CNTN4: variants seen among roughly 807,000 people sequenced by gnomAD.
The protein encoded by CNTN4 is contactin 4.
In CNTN4, 77 loss-of-function variants were observed where a neutral mutation model predicts 122.5. That is an observed-to-expected ratio of 0.63 (90% CI 0.52 to 0.76). The LOEUF (loss-of-function observed/expected upper bound fraction) is 0.76, where lower values mean the gene tolerates loss of function less well. CNTN4 is among the 30% of genes least tolerant of loss of function. The pLI is 0.00. For missense variants in CNTN4, 1,256 were observed against 1,259.1 expected, an observed-to-expected ratio of 1.00 and a Z score of 0.04; for synonymous variants, 512 against 447.0, an observed-to-expected ratio of 1.15 and a Z score of -1.83.
chr3:2,657,222 A>G (rs1214597936), intron 4 of CNTN4, among the ~76,000 whole-genome samples: 1 of 152,194 alleles, frequency 6.6e-6, no homozygotes, highest in Non-Finnish European at 1.5e-5. Flanking sequence ...AATAAAAATG[A>G]CCTCTAGCTT....
chr3:2,413,762 A>C (rs2047313570), intron 3 of CNTN4, among the ~76,000 whole-genome samples: 1 of 152,018 alleles, frequency 6.6e-6, no homozygotes, highest in African/African-American at 2.4e-5. Context: ...CAGGCTTTGG[A>C]ACTCCTGACC....
intron 2 of CNTN4, among the ~76,000 whole-genome samples, chr3:2,126,767 C>T (rs2034194450): frequency 6.6e-6 from 1 of 152,116 alleles, no homozygotes; most frequent in Non-Finnish European, 1.5e-5. Context: ...GCTTTGGCCT[C>T]CTTTGTGTGC....
intron 3 of CNTN4, among the ~76,000 whole-genome samples, chr3:2,541,597 T>A (rs1434210700): frequency 6.6e-6 from 1 of 152,136 alleles, no homozygotes; most frequent in Non-Finnish European, 1.5e-5. Flanking sequence ...ATTTGTCACA[T>A]ATCATTTTCT....
At chr3:2,886,685 T>A (rs2093983096) in intron 9 of CNTN4, among the ~76,000 whole-genome samples, 1 of 151,770 alleles carries the variant, frequency 6.6e-6, no homozygotes, top group Non-Finnish European at 1.5e-5. Flanking sequence ...GTAATTTTTT[T>A]GTATTTTTAG....
At chr3:2,513,540 A>G (rs887290610) in intron 3 of CNTN4, among the ~76,000 whole-genome samples, 4 of 152,016 alleles carry the variant, frequency 2.6e-5, no homozygotes, top group African/African-American at 7.3e-5. Context: ...TGTACTTAGC[A>G]GAAACGATTG....
At chr3:2,400,733 T>C (rs2046827386) in intron 3 of CNTN4, among the ~76,000 whole-genome samples, 1 of 151,312 alleles carries the variant, frequency 6.6e-6, no homozygotes, top group Non-Finnish European at 1.5e-5. Flanking sequence ...GCAAAGAAAC[T>C]AACTTTGTGG....
intron 13 of CNTN4, among the ~76,000 whole-genome samples, chr3:2,959,403 T>C (rs1217793304): frequency 6.6e-6 from 1 of 152,184 alleles, no homozygotes; most frequent in African/African-American, 2.4e-5. Context: ...TTCAGTATGA[T>C]AAGACCATAA....
At chr3:3,015,299 A>C (rs186006905) in intron 14 of CNTN4, among the ~76,000 whole-genome samples, 5 of 152,104 alleles carry the variant, frequency 3.3e-5, no homozygotes, top group Admixed American at 3.3e-4. Flanking sequence ...GTTCACTTAG[A>C]ATTACAGACA....
At position 2,791,588 on chromosome 3, in the gene CNTN4, C is replaced by G. The variant is rs956129614; in HGVS notation, c.359-27898C>G. Among the ~76,000 whole-genome samples the G allele has an allele frequency of 5.5e-4, 84 of 151,986 alleles. 1 individual carries two copies. Among genetic ancestry groups the G allele is most frequent in the African/African-American group, 1.9e-3 (80 of 41,452 alleles). Reference sequence around the variant, plus strand: ...CTATACAAACATAGTAAGAGTTCACCCAAGTTCATGGACAAGAAGAATGCA... The same window carrying G: ...CTATACAAACATAGTAAGAGTTCACGCAAGTTCATGGACAAGAAGAATGCA... On this transcript the variant is annotated intron_variant, in intron 6 of 24. Coordinates refer to ENST00000418658, the MANE Select transcript of CNTN4 (RefSeq NM_175607.3).
Position 2,712,037 on chromosome 3 carries a change from G to T in CNTN4, c.56-24178G>T, listed in dbSNP as rs191633278. 5.2e-3 allele frequency among the ~76,000 whole-genome samples: 786 copies of T among 152,204 alleles called. 7 individuals are homozygous for T. The highest frequency in any genetic ancestry group is 0.018 in the African/African-American group (741 of 41,518). ...GCTGCTGGGTTCATCTACTCTGGCT[G>T]CTAATGACAGATGAATCACCATTCA... is the stretch of plus-strand genomic sequence containing the variant. On this transcript the variant is annotated intron_variant, in intron 4 of 24. Coordinates refer to ENST00000418658, the MANE Select transcript of CNTN4 (RefSeq NM_175607.3).
chr3:2,581,107 T>A (rs547932342), intron 4 of CNTN4, among the ~76,000 whole-genome samples: 1 of 152,272 alleles, frequency 6.6e-6, no homozygotes, highest in Non-Finnish European at 1.5e-5. Flanking sequence ...GAAATGGGGA[T>A]TTTGGGGCTC....
intron 13 of CNTN4, among the ~76,000 whole-genome samples, chr3:2,958,216 G>C (rs1430732790): frequency 1.3e-5 from 2 of 152,154 alleles, no homozygotes; most frequent in African/African-American, 4.8e-5. Context: ...AGAAACACTG[G>C]TTTATGAGGA....
At chr3:2,165,843 T>C (rs565028779) in intron 2 of CNTN4, among the ~76,000 whole-genome samples, 2 of 152,266 alleles carry the variant, frequency 1.3e-5, no homozygotes, top group African/African-American at 2.4e-5. Context: ...CTAGGCTCAT[T>C]GATGTTGCAA....
At chr3:2,405,254 T>C (rs2046992190) in intron 3 of CNTN4, among the ~76,000 whole-genome samples, 1 of 152,130 alleles carries the variant, frequency 6.6e-6, no homozygotes, top group South Asian at 2.1e-4. Flanking sequence ...CCAAGCTTTG[T>C]TTGGTGAGAG....
At chr3:2,221,972 A>G (rs1310324136) in intron 2 of CNTN4, among the ~76,000 whole-genome samples, 1 of 152,222 alleles carries the variant, frequency 6.6e-6, no homozygotes, top group Non-Finnish European at 1.5e-5. Context: ...TAATGCAGCC[A>G]ATTTGGTAGA....
At chr3:2,868,595 C>G (rs2093750146) in intron 8 of CNTN4, among the ~76,000 whole-genome samples, 1 of 152,132 alleles carries the variant, frequency 6.6e-6, no homozygotes, top group Non-Finnish European at 1.5e-5. Flanking sequence ...ATCCTTTCTA[C>G]ATAGACTACA....
At position 2,736,303 on chromosome 3, in the gene CNTN4, C is replaced by T. The variant is rs753979733; in HGVS notation, c.144C>T (p.Leu48=). ...ATTCTGAGGAGAAAAAAGTGAAGCT[C>T]AATTGTGAAGTTAAAGGAAATCCAA... ...PLDSEEKKVK[L]NCEVKGNPKP... is the part of the protein sequence containing the mutation. Residue 48 remains leucine, a synonymous_variant, in exon 5 of 25, where the codon CTC becomes CTT. Coordinates refer to ENST00000418658, the MANE Select transcript of CNTN4 (RefSeq NM_175607.3). The T allele has an allele frequency of 2.5e-6, 4 of 1,613,450 alleles. No homozygotes were observed. Among genetic ancestry groups the T allele is most frequent in the Admixed American group, 1.7e-5 (1 of 59,972 alleles).
intron 2 of CNTN4, among the ~76,000 whole-genome samples, chr3:2,213,930 C>T (rs753500008): frequency 6.6e-6 from 1 of 152,182 alleles, no homozygotes; most frequent in Non-Finnish European, 1.5e-5. Flanking sequence ...CATGCTATAG[C>T]CCTTATTGTG....
At chr3:3,038,826 G>A (rs189118923) in intron 18 of CNTN4, 107 bp from the exon 19 acceptor site, 92 of 817,678 alleles carry the variant, frequency 1.1e-4, no homozygotes, top group Middle Eastern at 5.9e-4. Flanking sequence ...ACAAAGGGGC[G>A]TGCCTCAGAG....
Sources: gnomAD v4.1 joint callset for allele counts (sites outside exome capture counted in the v4.1 genomes callset) on GRCh38, gnomAD v4.1.1 for gene constraint, MANE v1.5 for transcripts, NCBI Gene and HGNC (gene_info 2026-07-23, HGNC 2026-07-21) for gene names.